Variants in ANKAR observed in about 807,000 individuals in gnomAD.
ANKAR encodes the protein ankyrin and armadillo repeat-containing protein.
ANKAR carries 136 observed loss-of-function variants against 146.2 expected under a neutral mutation model. The ratio of observed to expected loss-of-function variants is 0.93; its 90% CI spans 0.81 to 1.07. ANKAR has a LOEUF of 1.07. Among genes scored for constraint, ANKAR ranks in the 50% least tolerant of loss-of-function variants. The pLI is 0.00. For missense variants in ANKAR, 1,567 were observed against 1,679.9 expected, an observed-to-expected ratio of 0.93 and a Z score of 1.18; for synonymous variants, 500 against 575.8, an observed-to-expected ratio of 0.87 and a Z score of 1.88.
downstream of ANKAR, among the ~76,000 whole-genome samples, chr2:189,747,503 T>C (rs1226200005): frequency 2.6e-5 from 4 of 152,188 alleles, no homozygotes; most frequent in Non-Finnish European, 4.4e-5. Flanking sequence ...CTTTTGTGGC[T>C]AACAGTGTTG....
At position 189,695,063 on chromosome 2, in the gene ANKAR, G is replaced by C; in HGVS notation, c.1390G>C (p.Val464Leu). ...GTGGTGGGGAGCCATAAATGAAATA[G>C]TGAACAATCTGAGACTGAAAAGACT... ...TQWWGAINEIVNNLRLKRLPL... is the reference protein window; with the variant it reads ...TQWWGAINEILNNLRLKRLPL... Residue 464 changes from valine to leucine, a missense_variant, in exon 6 of 23, where the codon GTG becomes CTG. Coordinates refer to ENST00000684021, the MANE Select transcript of ANKAR (RefSeq NM_001378068.1). 1 of 1,612,904 alleles carries C rather than the reference G, an allele frequency of 6.2e-7. No homozygotes were observed. The highest frequency in any genetic ancestry group is 1.7e-5 in the Admixed American group (1 of 59,952).
At chr2:189,693,504 G>A (rs2036738169) in intron 5 of ANKAR, among the ~76,000 whole-genome samples, 1 of 152,052 alleles carries the variant, frequency 6.6e-6, no homozygotes, top group Non-Finnish European at 1.5e-5. Context: ...TTTAAATATT[G>A]GACACTGAAA....
chr2:189,705,390 G>A (rs2038794314), intron 8 of ANKAR, among the ~76,000 whole-genome samples, 166 bp downstream of exon 8: 1 of 152,228 alleles, frequency 6.6e-6, no homozygotes, highest in East Asian at 1.9e-4. Flanking sequence ...GGTATGTAAG[G>A]CTTACTCTGC....
intron 9 of ANKAR, among the ~76,000 whole-genome samples, chr2:189,708,886 G>A (rs1196509932): frequency 6.6e-6 from 1 of 152,122 alleles, no homozygotes; most frequent in Non-Finnish European, 1.5e-5. Context: ...GGCAGATCAC[G>A]AGGTCAAGAG....
chr2:189,749,224 C>A (rs890192786), downstream of ANKAR, among the ~76,000 whole-genome samples: 7 of 99,572 alleles, frequency 7.0e-5, no homozygotes, highest in African/African-American at 2.7e-4. Context: ...CCAGTCTGGA[C>A]AACAGAGCGA....
At chr2:189,714,383 TAAAA>T (rs2040129380) in intron 10 of ANKAR, among the ~76,000 whole-genome samples, 1 of 151,482 alleles carries the variant, frequency 6.6e-6, no homozygotes, top group African/African-American at 2.4e-5. Flanking sequence ...TCAGCAAATG[TAAAA>T]GAAAAGAAAT....
At chr2:189,756,753 C>T (rs1486193942) in intron 18 of ANKAR, among the ~76,000 whole-genome samples, 1 of 152,182 alleles carries the variant, frequency 6.6e-6, no homozygotes, top group East Asian at 1.9e-4. Flanking sequence ...CAAAAGCCCT[C>T]ATCTCAGTCT....
chr2:189,692,000 G>A (rs1276340291), intron 3 of ANKAR, among the ~76,000 whole-genome samples: 1 of 152,058 alleles, frequency 6.6e-6, no homozygotes, highest in Non-Finnish European at 1.5e-5. Context: ...AGGCTCAAGC[G>A]ATCCGCCCCC....
chr2:189,755,053 TTTCAGTTTACTAAGATAAAA>T, intron 18 of ANKAR: 4 of 1,212,514 alleles, frequency 3.3e-6, no homozygotes, highest in Non-Finnish European at 4.5e-6. Context: ...TGTGAATTTT[TTTCAGTTTACTAAGATAAAA>T]TTCAGAAATA....
intron 16 of ANKAR, 80 bp from the exon 17 acceptor site, chr2:189,733,027 C>T: frequency 7.5e-7 from 1 of 1,341,982 alleles, no homozygotes; most frequent in Non-Finnish European, 1.0e-6. Flanking sequence ...ACAATGTATT[C>T]TATATAAATG....
chr2:189,759,227 A>T (rs374460469), intron 18 of ANKAR, among the ~76,000 whole-genome samples: 44 of 151,260 alleles, frequency 2.9e-4, no homozygotes, highest in African/African-American at 9.9e-4. Context: ...CCCTCCCGTA[A>T]TTCTATGAGG....
chr2:189,711,075 C>T lies in ANKAR; in HGVS notation c.2146C>T (p.Arg716Ter), dbSNP rs145348993. The T allele has an allele frequency of 7.4e-6, 12 of 1,613,892 alleles. No individual in the cohort carries two copies. Among genetic ancestry groups the T allele is most frequent in the African/African-American group, 4.0e-5 (3 of 75,026 alleles). The change falls in exon 10 of 23, where the codon CGA becomes TGA. Residue 716 changes from arginine (R) to a stop codon, truncating the protein, a stop_gained. Coordinates refer to ENST00000684021, the MANE Select transcript of ANKAR (RefSeq NM_001378068.1). LOFTEE classifies it high-confidence loss of function. ...VEMLQCESYK[R>*]RMMAVMSLEV... ...AATGTTACAGTGTGAAAGCTATAAA[C>T]GAAGGATGATGGCCGTCATGTCCTT...
chr2:189,692,008 C>T (rs1486391003), intron 3 of ANKAR, among the ~76,000 whole-genome samples: 1 of 152,088 alleles, frequency 6.6e-6, no homozygotes, highest in Non-Finnish European at 1.5e-5. Flanking sequence ...GCGATCCGCC[C>T]CCCTCAGCCT....
At chr2:189,746,789 G>C (rs2044221364), downstream of ANKAR, 4 of 787,684 alleles carry the variant, frequency 5.1e-6, no homozygotes, top group Admixed American at 1.5e-4. Flanking sequence ...CAGGAATTTA[G>C]TGTCAGGTCA....
chr2:189,751,074 T>G (rs1237979600), downstream of ANKAR, among the ~76,000 whole-genome samples: 1 of 152,226 alleles, frequency 6.6e-6, no homozygotes, highest in Non-Finnish European at 1.5e-5. Flanking sequence ...TCTCTGAAGT[T>G]TCAAAAGCTG....
intron 18 of ANKAR, chr2:189,754,804 C>T (rs935386101): frequency 1.6e-5 from 4 of 254,102 alleles, no homozygotes; most frequent in Admixed American, 5.3e-5. Flanking sequence ...TGATTTAATT[C>T]TGTGCATTGC....
At chr2:189,751,541 T>G (rs183719327), downstream of ANKAR, among the ~76,000 whole-genome samples, 13 of 149,980 alleles carry the variant, frequency 8.7e-5, no homozygotes, top group Admixed American at 1.3e-4. Flanking sequence ...ACCTCGAGGA[T>G]TCAGGCAATT....
intron 17 of ANKAR, among the ~76,000 whole-genome samples, chr2:189,734,570 G>A (rs368567994): frequency 2.6e-5 from 4 of 152,110 alleles, no homozygotes; most frequent in African/African-American, 7.2e-5. Flanking sequence ...AATTGCCAGC[G>A]ACGTTTCTCT....
At chr2:189,726,605 G>C (rs772390937) in intron 12 of ANKAR, among the ~76,000 whole-genome samples, 1 of 152,064 alleles carries the variant, frequency 6.6e-6, no homozygotes, top group South Asian at 2.1e-4. Flanking sequence ...CTGAGAAAAG[G>C]TTCCAGATAA....
Sources: allele counts gnomAD v4.1 joint callset (sites outside exome capture counted in the v4.1 genomes callset), GRCh38; gene constraint gnomAD v4.1.1; transcripts MANE v1.5; gene names NCBI Gene and HGNC (gene_info 2026-07-23, HGNC 2026-07-21).